Variants in WDR72 observed in about 807,000 individuals in gnomAD.
The protein encoded by WDR72 is WD repeat-containing protein 72.
In WDR72, 120 loss-of-function variants were observed where a neutral mutation model predicts 124.2. That is an observed-to-expected ratio of 0.97 (90% CI 0.83 to 1.12). WDR72 has a LOEUF of 1.12. Among genes scored for constraint, WDR72 ranks in the 50% most tolerant of loss-of-function variants. WDR72 has a pLI of 0.00. For synonymous variants in WDR72, 452 were observed against 441.7 expected, an observed-to-expected ratio of 1.02 and a Z score of -0.29; for missense variants, 1,387 against 1,278.8, an observed-to-expected ratio of 1.08 and a Z score of -1.29.
intron 13 of WDR72, among the ~76,000 whole-genome samples, chr15:53,696,534 G>A (rs2017008142): frequency 6.6e-6 from 1 of 152,206 alleles, no homozygotes; most frequent in Admixed American, 6.5e-5. Context: ...GCACATCCAT[G>A]AGCAAGTATA....
chr15:53,627,940 T>C (rs887396593), intron 14 of WDR72, among the ~76,000 whole-genome samples: 2 of 152,184 alleles, frequency 1.3e-5, no homozygotes, highest in African/African-American at 2.4e-5. Context: ...AGCTAACTCA[T>C]CAGATTAATC....
chr15:53,566,613 T>G (rs1158110554), intron 18 of WDR72, among the ~76,000 whole-genome samples: 1 of 151,756 alleles, frequency 6.6e-6, no homozygotes, highest in South Asian at 2.1e-4. Flanking sequence ...CCAGCATGGA[T>G]AGGCTCATCT....
At chr15:53,571,371 T>C (rs1336640793) in intron 18 of WDR72, among the ~76,000 whole-genome samples, 1 of 152,138 alleles carries the variant, frequency 6.6e-6, no homozygotes, top group Non-Finnish European at 1.5e-5. Flanking sequence ...GTCTCTTCAA[T>C]GCCCAACCCC....
At chr15:53,761,007 G>A (rs962881295), upstream of WDR72, among the ~76,000 whole-genome samples, 1 of 151,930 alleles carries the variant, frequency 6.6e-6, no homozygotes. Flanking sequence ...GCCTGTAGTC[G>A]ATGCTACTCC....
chr15:53,554,571 T>G (rs1231740135), intron 18 of WDR72, among the ~76,000 whole-genome samples: 1 of 152,136 alleles, frequency 6.6e-6, no homozygotes, highest in Non-Finnish European at 1.5e-5. Context: ...ATTGAACTTT[T>G]CCAGAAAGTC....
rs972262456 is a variant in WDR72, at chr15:53,682,094, A to AT, written c.1766-16327dup. 2.6e-3 allele frequency among the ~76,000 whole-genome samples: 391 copies of AT among 152,118 alleles called. 6 individuals carry two copies. Among genetic ancestry groups the AT allele is most frequent in the African/African-American group, 9.0e-3 (373 of 41,550 alleles). ...GACAGCCTTTCAATGTGATACCTGA[A>AT]TTTTACAATGCACACCAGAAACCAC... is the stretch of plus-strand genomic sequence containing the variant. On this transcript the variant is annotated intron_variant, in intron 13 of 19. Transcript: ENST00000360509.
chr15:53,609,639 G>A, intron 16 of WDR72, 47 bp from the exon 17 acceptor site: 1 of 1,504,800 alleles, frequency 6.6e-7, no homozygotes, highest in Non-Finnish European at 9.2e-7. Flanking sequence ...ATTAAAAATG[G>A]ATAATGGCTC....
At chr15:53,696,163 C>T (rs1459234826) in intron 13 of WDR72, among the ~76,000 whole-genome samples, 1 of 152,156 alleles carries the variant, frequency 6.6e-6, no homozygotes, top group Non-Finnish European at 1.5e-5. Context: ...ATTCCTCCTT[C>T]ACGTAGTTAG....
At chr15:53,609,781 G>T (rs924828305) in intron 16 of WDR72, among the ~76,000 whole-genome samples, 189 bp from the exon 17 acceptor site, 2 of 151,712 alleles carry the variant, frequency 1.3e-5, no homozygotes, top group Non-Finnish European at 2.9e-5. Flanking sequence ...TTAATGCTTT[G>T]TAAAAGTGCC....
rs180960112 is a variant in WDR72 at position 53,515,189 on chromosome 15, G to A, written c.*2510C>T. 7 of 151,288 alleles carry A rather than the reference G, an allele frequency of 4.6e-5. No individual in the cohort carries two copies. The East Asian group carries it at 1.4e-3, about 30-fold the overall frequency. 9.4% of individuals were successfully genotyped at this position (151,288 alleles called of 1,614,324 possible). ...TTTTAAATAAATTTTTTATTACAAT[G>A]ACAGGAAGACTCCGGATACAAACAC... is the stretch of plus-strand genomic sequence containing the variant. On this transcript the variant is annotated 3_prime_UTR_variant, in exon 20 of 20. Coordinates refer to ENST00000360509, the MANE Select transcript of WDR72 (RefSeq NM_182758.4).
intron 18 of WDR72, among the ~76,000 whole-genome samples, chr15:53,563,946 C>T (rs950187058): frequency 6.6e-6 from 1 of 151,694 alleles, no homozygotes; most frequent in East Asian, 1.9e-4. Context: ...AATTGTTGTC[C>T]GCTGAATTAC....
chr15:53,739,608 C>A (rs1002246594), intron 1 of WDR72, among the ~76,000 whole-genome samples: 1 of 152,186 alleles, frequency 6.6e-6, no homozygotes, highest in Non-Finnish European at 1.5e-5. Flanking sequence ...GTGAAGACTG[C>A]AAAGCAGGTA....
intron 12 of WDR72, among the ~76,000 whole-genome samples, chr15:53,701,644 G>T (rs112189908): frequency 6.6e-6 from 1 of 151,190 alleles, no homozygotes; most frequent in African/African-American, 2.4e-5. Context: ...AGAAATTCTT[G>T]ACAAGGTCTT....
intron 1 of WDR72, among the ~76,000 whole-genome samples, chr15:53,746,250 T>C (rs2018641192): frequency 2.0e-5 from 3 of 152,200 alleles, no homozygotes; most frequent in South Asian, 4.1e-4. Flanking sequence ...AGCAGAATAA[T>C]GAGTATGATG....
intron 9 of WDR72, among the ~76,000 whole-genome samples, chr15:53,709,829 G>A (rs1314458963): frequency 2.6e-5 from 4 of 152,150 alleles, no homozygotes; most frequent in Non-Finnish European, 5.9e-5. Flanking sequence ...ATGTTAAAGG[G>A]ACAATCACTG....
intron 13 of WDR72, among the ~76,000 whole-genome samples, chr15:53,671,100 AT>A (rs1028746148): frequency 2.6e-4 from 39 of 152,180 alleles, no homozygotes; most frequent in African/African-American, 9.4e-4. Flanking sequence ...TTCTTAATAG[AT>A]TATATGACAT....
At chr15:53,706,520 A>AGATT (rs1266322097) in intron 9 of WDR72, among the ~76,000 whole-genome samples, 1 of 151,324 alleles carries the variant, frequency 6.6e-6, no homozygotes, top group Non-Finnish European at 1.5e-5. Context: ...TGGAATGAAG[A>AGATT]GATTGATTTG....
chr15:53,721,688 T>C (rs568556009), intron 3 of WDR72, among the ~76,000 whole-genome samples: 2 of 152,340 alleles, frequency 1.3e-5, no homozygotes, highest in Middle Eastern at 3.4e-3. Flanking sequence ...ACTATTCTTT[T>C]GGTTTTCAGA....
In WDR72 at chr15:53,639,540, A is replaced by AT. The variant is rs1300949500; in HGVS notation, c.1963-23298dup. Among the ~76,000 whole-genome samples the AT allele has an allele frequency of 3.5e-5, 5 of 142,368 alleles. No individual in the cohort carries two copies. The East Asian group carries it at 7.1e-4, about 20-fold the overall frequency. The allele number at this position is 142,368 out of a possible 152,430, so 93.4% of individuals were successfully genotyped here. A position where few individuals can be genotyped will look rare whatever the true frequency, so the allele number is the denominator to read the frequency against. On this transcript the variant is annotated intron_variant, in intron 14 of 19. Transcript: ENST00000360509. ...ATTTTATTTATTTATAAAATTATAT[A>AT]TAATTTTATTTATTTATAAAATTAT...
Sources: gnomAD v4.1 joint callset for allele counts (sites outside exome capture counted in the v4.1 genomes callset) on GRCh38, gnomAD v4.1.1 for gene constraint, MANE v1.5 for transcripts, NCBI Gene and HGNC (gene_info 2026-07-23, HGNC 2026-07-21) for gene names.